SGCD: variants seen among roughly 807,000 people sequenced by gnomAD.
SGCD encodes the protein sarcoglycan delta, also known as delta-sarcoglycan.
Under a neutral mutation model 36.6 loss-of-function variants are expected in SGCD, and 18 were observed. That is an observed-to-expected ratio of 0.49 (90% CI 0.34 to 0.73). SGCD has a LOEUF of 0.73. SGCD is among the 30% of genes least tolerant of loss of function. The pLI, the probability that SGCD is intolerant of heterozygous loss-of-function variation, is 0.01. For synonymous variants in SGCD, 133 were observed against 130.6 expected, an observed-to-expected ratio of 1.02 and a Z score of -0.12; for missense variants, 387 against 346.7, an observed-to-expected ratio of 1.12 and a Z score of -0.92.
chr5:156,363,865 T>G (rs76024207), intron 3 of SGCD, among the ~76,000 whole-genome samples: 19,063 of 152,210 alleles, frequency 0.13, 1,432 homozygotes, highest in Middle Eastern at 0.22. Context: ...AGGAGCTCTT[T>G]CAGAAGACCC....
intron 3 of SGCD, among the ~76,000 whole-genome samples, chr5:156,157,493 C>G (rs1217959500): frequency 6.6e-6 from 1 of 151,798 alleles, no homozygotes; most frequent in Non-Finnish European, 1.5e-5. Flanking sequence ...CTACTCAAAA[C>G]CTCCATCTCT....
chr5:156,458,460 G>A (rs1015058465), intron 3 of SGCD: 120 of 1,609,890 alleles, frequency 7.5e-5, no homozygotes, highest in Middle Eastern at 4.9e-4. Context: ...CCATCCCCAT[G>A]GCAGCTCATC....
intron 3 of SGCD, among the ~76,000 whole-genome samples, chr5:156,276,333 A>G (rs1350579228): frequency 6.6e-6 from 1 of 152,178 alleles, no homozygotes; most frequent in Non-Finnish European, 1.5e-5. Flanking sequence ...AGACTATATT[A>G]TTTATTCATT....
chr5:156,047,025 T>G (rs1313522502), intron 1 of SGCD, among the ~76,000 whole-genome samples: 1 of 152,176 alleles, frequency 6.6e-6, no homozygotes. Context: ...ATTGCTGGTA[T>G]GAAGAAAGTT....
At chr5:155,756,758 A>G in the SGCD span, among the ~76,000 whole-genome samples, 1 of 152,344 alleles carries the variant, frequency 6.6e-6, no homozygotes, top group African/African-American at 2.4e-5. Context: ...AATATTAAAC[A>G]CTTCCCTGAG....
chr5:156,254,202 C>T (rs1199501017), intron 3 of SGCD, among the ~76,000 whole-genome samples: 1 of 152,104 alleles, frequency 6.6e-6, no homozygotes, highest in Non-Finnish European at 1.5e-5. Flanking sequence ...AAGATTTTAC[C>T]ATTTATAATG....
intron 4 of SGCD, among the ~76,000 whole-genome samples, chr5:156,581,531 A>C (rs953485134): frequency 6.6e-6 from 1 of 152,072 alleles, no homozygotes; most frequent in African/African-American, 2.4e-5. Flanking sequence ...CCTGAGTTGG[A>C]GTCTACAGAG....
At chr5:156,072,301 C>T (rs1439183056) in intron 1 of SGCD, among the ~76,000 whole-genome samples, 1 of 151,984 alleles carries the variant, frequency 6.6e-6, no homozygotes. Flanking sequence ...GTGCTTCCTT[C>T]AGGAGCTCTT....
At chr5:156,083,869 A>C (rs1168072365) in intron 1 of SGCD, among the ~76,000 whole-genome samples, 1 of 151,724 alleles carries the variant, frequency 6.6e-6, no homozygotes, top group African/African-American at 2.4e-5. Flanking sequence ...CATTTGTTGA[A>C]TGGGCATTCT....
At chr5:155,891,556 C>CTTTTTTTTTTTTTTTTTTTTTTTTTT (rs1561640647) in intron 1 of SGCD, among the ~76,000 whole-genome samples, 1 of 16,562 alleles carries the variant, frequency 6.0e-5, no homozygotes, top group African/African-American at 2.7e-4. Context: ...AAAATAAATA[C>CTTTTTTTTTTTTTTTTTTTTTTTTTT]TCTTTTTTTT....
At chr5:155,730,141 G>T in the SGCD span, among the ~76,000 whole-genome samples, 1 of 152,146 alleles carries the variant, frequency 6.6e-6, no homozygotes, top group Non-Finnish European at 1.5e-5. Context: ...AGAAAACTCT[G>T]CACCCTCCAG....
chr5:156,566,001 T>C (rs1759465483), intron 4 of SGCD, among the ~76,000 whole-genome samples: 1 of 152,150 alleles, frequency 6.6e-6, no homozygotes. Flanking sequence ...ACTGCTGCAA[T>C]AAACATACGT....
At chr5:156,711,198 AG>A (rs945044214) in intron 7 of SGCD, among the ~76,000 whole-genome samples, 5 of 152,082 alleles carry the variant, frequency 3.3e-5, no homozygotes, top group Non-Finnish European at 2.9e-5. Context: ...CTTGGTCAAG[AG>A]GGGGGGTCCA....
At chr5:156,418,032 A>G (rs1773133032) in intron 3 of SGCD, among the ~76,000 whole-genome samples, 1 of 152,184 alleles carries the variant, frequency 6.6e-6, no homozygotes, top group East Asian at 1.9e-4. Context: ...AGGTATCTAC[A>G]AAGATCGTAG....
chr5:156,010,906 ATTGTTATGGC>A (rs1039371059), intron 1 of SGCD, among the ~76,000 whole-genome samples: 3 of 152,178 alleles, frequency 2.0e-5, no homozygotes, highest in African/African-American at 7.2e-5. Flanking sequence ...ACTGATATAT[ATTGTTATGGC>A]TTGTTTCATG....
At chr5:156,035,886 T>C (rs1213464536) in intron 1 of SGCD, among the ~76,000 whole-genome samples, 1 of 152,202 alleles carries the variant, frequency 6.6e-6, no homozygotes, top group South Asian at 2.1e-4. Flanking sequence ...TGTTTAGGAA[T>C]AGTGATACCA....
At chr5:156,749,725 C>CA (rs1275190520) in intron 7 of SGCD, among the ~76,000 whole-genome samples, 26 of 151,494 alleles carry the variant, frequency 1.7e-4, no homozygotes, top group Non-Finnish European at 2.5e-4. Context: ...AGCTAACTTA[C>CA]AAAAAAAACT....
At chr5:156,490,779 C>G (rs1755903963) in intron 3 of SGCD, among the ~76,000 whole-genome samples, 1 of 151,972 alleles carries the variant, frequency 6.6e-6, no homozygotes. Context: ...GAAAGCCTTT[C>G]CTGTAAGGAC....
chr5:156,547,152 T>A (rs1467116215), intron 4 of SGCD, among the ~76,000 whole-genome samples: 2 of 152,292 alleles, frequency 1.3e-5, no homozygotes, highest in East Asian at 3.9e-4. Flanking sequence ...CCAGAATAAG[T>A]TTCTCAGCCT....
Sources: allele counts gnomAD v4.1 joint callset (sites outside exome capture counted in the v4.1 genomes callset), GRCh38; gene constraint gnomAD v4.1.1; transcripts MANE v1.5; gene names NCBI Gene and HGNC (gene_info 2026-07-23, HGNC 2026-07-21).